The following ALG13 variants were observed in gnomAD, a reference collection of about 807,000 sequenced individuals.
The protein encoded by ALG13 is ALG13 UDP-N-acetylglucosaminyltransferase subunit.
In ALG13, 11 loss-of-function variants were observed where a neutral mutation model predicts 87.8. The ratio of observed to expected loss-of-function variants is 0.13; its 90% CI spans 0.08 to 0.21. ALG13 has a LOEUF of 0.21. Among genes scored for constraint, ALG13 ranks in the 10% least tolerant of loss-of-function variants. ALG13 has a pLI of 1.00. For synonymous variants in ALG13, 320 were observed against 306.3 expected, an observed-to-expected ratio of 1.04 and a Z score of -0.47; for missense variants, 756 against 866.1, an observed-to-expected ratio of 0.87 and a Z score of 1.60.
At chrX:111,724,690 A>G (rs1413705005) in intron 14 of ALG13, among the ~76,000 whole-genome samples, 1 of 112,177 alleles carries the variant, frequency 8.9e-6, no homozygotes, top group Non-Finnish European at 1.9e-5. Context: ...GGCACAGCAA[A>G]TATTTGTGAA....
rs58875439 is a variant in ALG13 at position 111,717,749 on chromosome X, A to G, written c.1006-97A>G. 4.5e-3 allele frequency: 2,481 copies of G among 557,338 alleles called. 37 individuals are homozygous for G. The African/African-American group carries it at 0.052, about 12-fold the overall frequency. The allele number at this position is 557,338 out of a possible 1,213,427, so 45.9% of individuals were successfully genotyped here. A position where few individuals can be genotyped will look rare whatever the true frequency, so the allele number is the denominator to read the frequency against. On this transcript the variant is annotated intron_variant, in intron 8 of 26. Coordinates refer to ENST00000394780, the MANE Select transcript of ALG13 (RefSeq NM_001099922.3). ...AAAAAAATTCAGTTAGTTATCAGTT[A>G]CTGACTACTGACTCAATTTCAAGTT...
intron 10 of ALG13, among the ~76,000 whole-genome samples, chrX:111,719,025 C>CTTT (rs1174274292): frequency 1.1e-4 from 9 of 82,401 alleles, no homozygotes; most frequent in East Asian, 3.5e-4. Context: ...AATTTTTTTT[C>CTTT]TTTTTTTTTT....
intron 3 of ALG13, among the ~76,000 whole-genome samples, chrX:111,700,886 C>T (rs941460433): frequency 2.1e-4 from 23 of 108,697 alleles, no homozygotes; most frequent in South Asian, 4.0e-4. Context: ...CCACCGTGCC[C>T]GGCCAAGAGT....
At chrX:111,698,756 C>T (rs1361796408) in intron 3 of ALG13, among the ~76,000 whole-genome samples, 1 of 111,934 alleles carries the variant, frequency 8.9e-6, no homozygotes, top group Non-Finnish European at 1.9e-5. Context: ...TTTATCCATT[C>T]ATCCACTGAT....
chrX:111,723,232 C>T (rs1941602545), intron 13 of ALG13, among the ~76,000 whole-genome samples: 1 of 108,851 alleles, frequency 9.2e-6, no homozygotes, highest in Non-Finnish European at 1.9e-5. Context: ...CTGCTCACTG[C>T]AAGCTCTGCC....
At chrX:111,736,914 CTT>C in intron 23 of ALG13, 35 bp downstream of exon 23, 1 of 1,134,305 alleles carries the variant, frequency 8.8e-7, no homozygotes, top group Non-Finnish European at 1.2e-6. Context: ...TTGGAAGCCT[CTT>C]TTCCTATTCA....
intron 7 of ALG13, 126 bp from the exon 8 acceptor site, chrX:111,713,099 C>A: frequency 2.3e-6 from 1 of 442,429 alleles, no homozygotes; most frequent in Non-Finnish European, 3.9e-6. Context: ...AAACATTAAA[C>A]CGGATATTTA....
chrX:111,707,112 G>C, intron 3 of ALG13, among the ~76,000 whole-genome samples: 1 of 111,168 alleles, frequency 9.0e-6, no homozygotes, highest in East Asian at 2.8e-4. Flanking sequence ...ACAAGCAATT[G>C]GGCCTGCCTT....
chrX:111,744,790 CCTCCTCCTCCTCCTCCTG>C lies in ALG13; in HGVS notation c.2822_2839del (p.Pro941_Ala946del). On this transcript the variant is annotated inframe_deletion, in exon 24 of 27. Transcript: ENST00000394780. ...ACCACCTCCTCCTCCTCCTCCTCCT[CCTCCTCCTCCTCCTCCTG>C]CTCTTGATGTGGGAGAGACTTCAAA... is the stretch of plus-strand genomic sequence containing the variant. The C allele has an allele frequency of 1.8e-6, 2 of 1,113,058 alleles. No homozygotes were observed. Among genetic ancestry groups the C allele is most frequent in the Non-Finnish European group, 2.4e-6 (2 of 841,466 alleles). The allele number at this position is 1,113,058 out of a possible 1,213,427, so 91.7% of individuals were successfully genotyped here.
At chrX:111,713,370 T>C (rs1444319615) in intron 8 of ALG13, 73 bp downstream of exon 8, 2 of 696,040 alleles carry the variant, frequency 2.9e-6, no homozygotes, top group Non-Finnish European at 4.4e-6. Flanking sequence ...GGATATTAAA[T>C]CATTTTTAAC....
At chrX:111,690,028 A>T in intron 3 of ALG13, 1 of 749,398 alleles carries the variant, frequency 1.3e-6, no homozygotes, top group Non-Finnish European at 1.6e-6. Context: ...ATAAATTAAG[A>T]CTTTAAGACA....
intron 21 of ALG13, among the ~76,000 whole-genome samples, chrX:111,731,756 T>A (rs1410629124): frequency 8.9e-6 from 1 of 112,399 alleles, no homozygotes; most frequent in South Asian, 3.7e-4. Context: ...TCTATAGATA[T>A]ACTACTAAGA....
At chrX:111,742,590 A>G (rs746747917) in intron 23 of ALG13, among the ~76,000 whole-genome samples, 8 of 112,511 alleles carry the variant, frequency 7.1e-5, no homozygotes, top group South Asian at 3.7e-4. Context: ...TGAGTAAGGC[A>G]TATACCCTTG....
At chrX:111,716,574 C>G in intron 8 of ALG13, among the ~76,000 whole-genome samples, 1 of 111,840 alleles carries the variant, frequency 8.9e-6, no homozygotes, top group Non-Finnish European at 1.9e-5. Flanking sequence ...AATGCAAATA[C>G]CCCTTGTGGT....
intron 25 of ALG13, 79 bp downstream of exon 25, chrX:111,752,909 T>G: frequency 1.3e-6 from 1 of 748,874 alleles, no homozygotes; most frequent in Non-Finnish European, 2.0e-6. Flanking sequence ...CTCTTGAACT[T>G]CGAAAGCCAA....
chrX:111,752,282 T>G (rs998897806), intron 24 of ALG13, among the ~76,000 whole-genome samples: 2 of 112,158 alleles, frequency 1.8e-5, no homozygotes, highest in Non-Finnish European at 3.8e-5. Context: ...TTTTATTTGG[T>G]AACTAAACCG....
At chrX:111,689,890 G>T (rs185442504) in intron 3 of ALG13, 30 of 752,047 alleles carry the variant, frequency 4.0e-5, no homozygotes, top group Non-Finnish European at 4.7e-5. Context: ...AAGTTATTTA[G>T]TAGGAATTTC....
At chrX:111,698,704 A>C (rs751537472) in intron 3 of ALG13, among the ~76,000 whole-genome samples, 1 of 111,993 alleles carries the variant, frequency 8.9e-6, no homozygotes, top group Admixed American at 9.5e-5. Context: ...CGTTTTTCTA[A>C]ACACTGAATA....
intron 3 of ALG13, among the ~76,000 whole-genome samples, chrX:111,704,261 A>G (rs890966750): frequency 4.5e-5 from 5 of 111,826 alleles, no homozygotes; most frequent in Non-Finnish European, 5.6e-5. Flanking sequence ...TATTGGTAAG[A>G]ATGTAAAATG....
Sources: allele counts gnomAD v4.1 joint callset (sites outside exome capture counted in the v4.1 genomes callset), GRCh38; gene constraint gnomAD v4.1.1; transcripts MANE v1.5; gene names NCBI Gene and HGNC (gene_info 2026-07-23, HGNC 2026-07-21).